DPM1: variants seen among roughly 807,000 people sequenced by gnomAD.
DPM1 encodes dolichyl-phosphate mannosyltransferase subunit 1, catalytic.
In DPM1, 27 loss-of-function variants were observed where a neutral mutation model predicts 39.0. The observed-to-expected ratio is 0.69, with a 90% confidence interval of 0.51 to 0.95. The LOEUF (loss-of-function observed/expected upper bound fraction) is 0.95, where lower values mean the gene tolerates loss of function less well. Ranked by LOEUF, DPM1 falls within the 40% of genes least tolerant of loss-of-function variation. The probability of loss-of-function intolerance (pLI) is 0.00; values close to 1 mark genes in which losing one functional copy is unlikely to be tolerated. For missense variants in DPM1, 307 were observed against 315.6 expected, an observed-to-expected ratio of 0.97 and a Z score of 0.21; for synonymous variants, 124 against 109.0, an observed-to-expected ratio of 1.14 and a Z score of -0.86.
intron 7 of DPM1, among the ~76,000 whole-genome samples, chr20:50,938,662 G>A (rs975402010): frequency 6.0e-5 from 9 of 149,554 alleles, no homozygotes; most frequent in African/African-American, 9.8e-5. Flanking sequence ...TTACAGGCGT[G>A]AGCCACCGCG....
intron 1 of DPM1, among the ~76,000 whole-genome samples, chr20:50,956,324 C>G (rs1424389516): frequency 6.6e-6 from 1 of 152,076 alleles, no homozygotes; most frequent in Non-Finnish European, 1.5e-5. Flanking sequence ...ATACAAGAGG[C>G]TGGGCGCGGT....
intron 2 of DPM1, among the ~76,000 whole-genome samples, chr20:50,950,552 G>C (rs1178965323): frequency 6.6e-6 from 1 of 152,114 alleles, no homozygotes; most frequent in African/African-American, 2.4e-5. Flanking sequence ...CTCTGTTTTA[G>C]CTGGAAAATC....
chr20:50,955,423 A>C, intron 1 of DPM1, 138 bp from the exon 2 acceptor site: 1 of 671,930 alleles, frequency 1.5e-6, no homozygotes. Flanking sequence ...TCAATTATCA[A>C]ATGAAATAAA....
chr20:50,953,212 T>C (rs915920412), intron 2 of DPM1, among the ~76,000 whole-genome samples: 4 of 152,250 alleles, frequency 2.6e-5, no homozygotes, highest in African/African-American at 4.8e-5. Flanking sequence ...TTGTAAGCAC[T>C]GTGAATAGTT....
rs573124265 is a variant in DPM1 at position 50,956,808 on chromosome 20, A to C, written c.162-1523T>G. On this transcript the variant is annotated intron_variant, in intron 1 of 8. Transcript: ENST00000371588. ...TTCCATAAACAAAATGGGGTCGTTA[A>C]AAGCAAATTACTGTCCCCTACCACT... is the stretch of plus-strand genomic sequence containing the variant. Among the ~76,000 whole-genome samples, 10 of 152,348 alleles carry C rather than the reference A, an allele frequency of 6.6e-5. 1 individual carries two copies. The highest frequency in any genetic ancestry group is 2.1e-4 in the South Asian group (1 of 4,826).
intron 2 of DPM1, among the ~76,000 whole-genome samples, chr20:50,953,247 TATGGTCCTACCTAGTTAGGTCATTAAAA>T: frequency 6.6e-6 from 1 of 152,336 alleles, no homozygotes; most frequent in East Asian, 1.9e-4. Context: ...CCAATTTCTC[TATGGTCCTACCTAGTTAGGTCATTAAAA>T]ATGACCTAAC....
At chr20:50,948,049 G>C (rs1264784539) in intron 3 of DPM1, among the ~76,000 whole-genome samples, 33 of 152,248 alleles carry the variant, frequency 2.2e-4, no homozygotes, top group Non-Finnish European at 1.8e-4. Context: ...GTGCTATATT[G>C]GGTGAACTAC....
chr20:50,937,832 TA>T (rs992803654), intron 7 of DPM1, among the ~76,000 whole-genome samples: 17 of 152,084 alleles, frequency 1.1e-4, no homozygotes, highest in Middle Eastern at 3.4e-3. Context: ...TTATTATTAT[TA>T]TTATTTTTAT....
intron 6 of DPM1, chr20:50,941,248 ATATATATATAT>A: frequency 5.8e-6 from 1 of 172,098 alleles, no homozygotes; most frequent in African/African-American, 2.8e-5. Flanking sequence ...ATATATATAT[ATATATATATAT>A]ATATAAATAA....
rs1985509023 is a variant in DPM1 at position 50,939,385 on chromosome 20, A to G, written c.563+1480T>C. On this transcript the variant is annotated intron_variant, in intron 7 of 8. Transcript: ENST00000371588. ...TTTTTGTTTTTTTTTGTTTTTTTTT[A>G]GACGGAGTCCCACTCTACTGCCCAG... 4.0e-5 allele frequency among the ~76,000 whole-genome samples: 6 copies of G among 148,204 alleles called. No individual in the cohort carries two copies. In the South Asian group the frequency reaches 1.3e-3, roughly 31 times the overall value.
intron 3 of DPM1, 75 bp downstream of exon 3, chr20:50,948,554 A>C (rs1986411275): frequency 7.0e-7 from 1 of 1,438,266 alleles, no homozygotes; most frequent in Non-Finnish European, 9.8e-7. Flanking sequence ...CCCTATTCCA[A>C]ACTGGGAAAA....
intron 7 of DPM1, among the ~76,000 whole-genome samples, chr20:50,936,551 G>C (rs1017356976): frequency 7.2e-5 from 11 of 152,158 alleles, no homozygotes; most frequent in African/African-American, 2.7e-4. Flanking sequence ...ACGGTAAAAT[G>C]AATCATTTGA....
intron 7 of DPM1, among the ~76,000 whole-genome samples, chr20:50,938,387 AATTT>A (rs1233024793): frequency 6.6e-6 from 1 of 150,568 alleles, no homozygotes; most frequent in Admixed American, 6.6e-5. Flanking sequence ...TATTAAAAAA[AATTT>A]TTTTTTTTTT....
chr20:50,952,203 A>G (rs1986617982), intron 2 of DPM1, among the ~76,000 whole-genome samples: 1 of 152,246 alleles, frequency 6.6e-6, no homozygotes, highest in South Asian at 2.1e-4. Context: ...AATGACAGGC[A>G]TATACTTTTT....
At chr20:50,945,684 T>C (rs1471536652) in intron 5 of DPM1, 53 bp downstream of exon 5, 1 of 1,430,122 alleles carries the variant, frequency 7.0e-7, no homozygotes, top group Non-Finnish European at 9.8e-7. Context: ...CCAAAACCAG[T>C]AAGATAAATG....
At chr20:50,939,513 T>A (rs1568760772) in intron 7 of DPM1, among the ~76,000 whole-genome samples, 1 of 151,928 alleles carries the variant, frequency 6.6e-6, no homozygotes, top group East Asian at 1.9e-4. Context: ...TTGTATTTTT[T>A]AGTAGAGACA....
chr20:50,937,227 T>C, intron 7 of DPM1, among the ~76,000 whole-genome samples: 1 of 152,086 alleles, frequency 6.6e-6, no homozygotes, highest in East Asian at 1.9e-4. Flanking sequence ...CACATTTTTT[T>C]TCCCTCAGAC....
At chr20:50,944,836 G>C (rs554562010) in intron 5 of DPM1, 1 of 152,246 alleles carries the variant, frequency 6.6e-6, no homozygotes, top group African/African-American at 2.4e-5. Context: ...TTATCTTACT[G>C]TATTAACATT....
chr20:50,956,643 A>G (rs1986835874), intron 1 of DPM1, among the ~76,000 whole-genome samples: 1 of 152,254 alleles, frequency 6.6e-6, no homozygotes, highest in East Asian at 1.9e-4. Context: ...TTTGAAGACA[A>G]GAAAGCAAAC....
Sources: allele counts gnomAD v4.1 joint callset (sites outside exome capture counted in the v4.1 genomes callset), GRCh38; gene constraint gnomAD v4.1.1; transcripts MANE v1.5; gene names NCBI Gene and HGNC (gene_info 2026-07-23, HGNC 2026-07-21).